The following FER1L6 variants were observed in gnomAD, a reference collection of about 807,000 sequenced individuals.
FER1L6 encodes fer-1-like protein 6.
A neutral mutation model predicts 219.2 loss-of-function variants in FER1L6; 177 were observed. That is an observed-to-expected ratio of 0.81 (90% CI 0.71 to 0.91). The LOEUF is 0.91. Among genes scored for constraint, FER1L6 ranks in the 40% least tolerant of loss-of-function variants. The probability of loss-of-function intolerance (pLI) is 0.00; values close to 1 mark genes in which losing one functional copy is unlikely to be tolerated. For missense variants in FER1L6, 2,153 were observed against 2,259.9 expected (o/e 0.95, Z 0.96); for synonymous variants, 768 against 824.3 (o/e 0.93, Z 1.17).
intron 12 of FER1L6, among the ~76,000 whole-genome samples, chr8:123,999,151 C>T (rs1411069974): frequency 6.6e-6 from 1 of 152,164 alleles, no homozygotes; most frequent in Non-Finnish European, 1.5e-5. Flanking sequence ...ATAGTTAACA[C>T]CGCTGGGAAT....
intron 25 of FER1L6, 27 bp from the exon 26 acceptor site, chr8:124,064,320 C>T (rs978186982): frequency 1.3e-6 from 2 of 1,596,946 alleles, no homozygotes; most frequent in Non-Finnish European, 1.7e-6. Context: ...CAGCCCAGCT[C>T]CCTGACCTGA....
intron 1 of FER1L6, among the ~76,000 whole-genome samples, chr8:123,865,902 C>A: frequency 6.6e-6 from 1 of 151,350 alleles, no homozygotes; most frequent in Non-Finnish European, 1.5e-5. Flanking sequence ...GTGAGATGAA[C>A]CCGGTACCTC....
intron 12 of FER1L6, among the ~76,000 whole-genome samples, chr8:123,996,979 G>T (rs1016327690): frequency 1.3e-5 from 2 of 152,006 alleles, no homozygotes; most frequent in Admixed American, 6.5e-5. Context: ...TAAAGTTGTT[G>T]TAGTTATTTG....
At chr8:124,026,424 T>C (rs1243031777) in intron 18 of FER1L6, among the ~76,000 whole-genome samples, 1 of 152,180 alleles carries the variant, frequency 6.6e-6, no homozygotes, top group African/African-American at 2.4e-5. Flanking sequence ...GAGATAGCAG[T>C]TCTTAGCTGA....
At chr8:124,115,738 C>T (rs184042149) in intron 39 of FER1L6, among the ~76,000 whole-genome samples, 16 of 152,234 alleles carry the variant, frequency 1.1e-4, no homozygotes, top group African/African-American at 2.4e-4. Flanking sequence ...TCAAAGCAAC[C>T]GTATAGGGTA....
At chr8:124,019,420 C>T (rs1316312787) in intron 16 of FER1L6, among the ~76,000 whole-genome samples, 1 of 152,164 alleles carries the variant, frequency 6.6e-6, no homozygotes, top group Non-Finnish European at 1.5e-5. Context: ...GTATTGTTTT[C>T]ACCTCACCAT....
At chr8:124,103,953 G>C (rs1822655391) in intron 39 of FER1L6, among the ~76,000 whole-genome samples, 2 of 152,202 alleles carry the variant, frequency 1.3e-5, no homozygotes, top group Non-Finnish European at 2.9e-5. Flanking sequence ...TCTGCTTCTA[G>C]TGCCTTGTGG....
Position 124,049,711 on chromosome 8 carries a change from G to C in FER1L6, c.2829G>C (p.Gly943=). Residue 943 remains glycine (G), a synonymous_variant, in exon 22 of 41, where the codon GGG becomes GGC. Coordinates refer to ENST00000522917, the MANE Select transcript of FER1L6 (RefSeq NM_001039112.2). ...TATGCTATCACCCCATCTTTTGTGG[G>C]AATCTCTCTGGAGGGGATCTCCTTG... ...PRLCYHPIFC[G]NLSGGDLLAV... The C allele has an allele frequency of 6.2e-7, 1 of 1,614,070 alleles. No homozygotes were observed. Among genetic ancestry groups the C allele is most frequent in the Non-Finnish European group, 8.5e-7 (1 of 1,180,000 alleles).
chr8:123,922,432 G>A (rs960659629), intron 1 of FER1L6, among the ~76,000 whole-genome samples: 1 of 152,212 alleles, frequency 6.6e-6, no homozygotes, highest in Non-Finnish European at 1.5e-5. Context: ...AAGCTGGTGT[G>A]CCATTCTTCC....
intron 30 of FER1L6, among the ~76,000 whole-genome samples, 159 bp from the exon 31 acceptor site, chr8:124,071,347 T>A (rs1349823240): frequency 6.6e-6 from 1 of 152,182 alleles, no homozygotes; most frequent in East Asian, 1.9e-4. Context: ...GCAAGCAGGC[T>A]ACATAAATTG....
rs781394982 is a variant in FER1L6, at chr8:124,045,917, G to A, written c.2724+16G>A. The stretch of plus-strand genomic sequence containing the variant: ...CGACGCTGTGGTGAGTGTCCCCCTG[G>A]GCCAGTGCTGACCACACCTCATAAA... On this transcript the variant is annotated intron_variant, in intron 21 of 40. Transcript: ENST00000522917. 3.7e-6 allele frequency: 6 copies of A among 1,612,924 alleles called. No homozygotes were observed. The highest frequency in any genetic ancestry group is 5.1e-6 in the Non-Finnish European group (6 of 1,179,838).
At chr8:123,989,122 T>C (rs1816735231) in intron 12 of FER1L6, among the ~76,000 whole-genome samples, 1 of 152,174 alleles carries the variant, frequency 6.6e-6, no homozygotes, top group South Asian at 2.1e-4. Flanking sequence ...ACGTGATGTA[T>C]CATATTGATT....
chr8:123,973,977 A>G (rs968452545), intron 7 of FER1L6, among the ~76,000 whole-genome samples: 7 of 152,268 alleles, frequency 4.6e-5, no homozygotes, highest in Non-Finnish European at 7.3e-5. Flanking sequence ...AATGCTTAGT[A>G]AAGAGTCTCA....
chr8:124,084,067 C>T (rs1821689417), intron 33 of FER1L6, among the ~76,000 whole-genome samples: 1 of 151,722 alleles, frequency 6.6e-6, no homozygotes, highest in African/African-American at 2.4e-5. Flanking sequence ...TCACATTGTT[C>T]ACTGTTGGCA....
In FER1L6 at chr8:123,973,472, C is replaced by T. The variant is rs765726991; in HGVS notation, c.486C>T (p.Gly162=). 1 of 1,614,078 alleles carries T rather than the reference C, an allele frequency of 6.2e-7. No individual in the cohort carries two copies. The highest frequency in any genetic ancestry group is 8.5e-7 in the Non-Finnish European group (1 of 1,179,954). The part of the protein sequence containing the change: ...HHKLIGSVLI[G]SFKVDLGTVY... ...AGCTGATAGGAAGTGTACTGATTGG[C>T]TCTTTCAAAGTAGACCTGGGGACCG... The change falls in exon 7 of 41, where the codon GGC becomes GGT. Residue 162 remains glycine, a synonymous_variant. Coordinates refer to ENST00000522917, the MANE Select transcript of FER1L6 (RefSeq NM_001039112.2).
At chr8:123,883,598 C>A (rs553690378) in intron 1 of FER1L6, among the ~76,000 whole-genome samples, 7 of 152,266 alleles carry the variant, frequency 4.6e-5, no homozygotes, top group African/African-American at 1.7e-4. Flanking sequence ...GCTGCTATAA[C>A]AAAATGCTAC....
intron 18 of FER1L6, among the ~76,000 whole-genome samples, chr8:124,024,053 T>C (rs974959584): frequency 4.6e-5 from 7 of 151,940 alleles, no homozygotes; most frequent in African/African-American, 1.7e-4. Flanking sequence ...CCCACCACCA[T>C]GCCTAGCTAA....
intron 10 of FER1L6, among the ~76,000 whole-genome samples, chr8:123,978,858 G>A (rs1434575339): frequency 6.6e-6 from 1 of 152,152 alleles, no homozygotes; most frequent in Non-Finnish European, 1.5e-5. Context: ...CATTATGGAA[G>A]TGTTTGCCAC....
At position 124,046,145 on chromosome 8, in the gene FER1L6, G is replaced by C. The variant is rs1819723411; in HGVS notation, c.2724+244G>C. 10 of 422,766 alleles carry C rather than the reference G, an allele frequency of 2.4e-5. No individual in the cohort carries two copies. In the East Asian group the frequency reaches 4.1e-4, roughly 17 times the overall value. The allele number at this position is 422,766 out of a possible 1,614,324, so 26.2% of individuals were successfully genotyped here. ...TTAAATGGCAATTAAAATTGGATCT[G>C]GTTTACAGAACGTCAGTCTACACAC... On this transcript the variant is annotated intron_variant, in intron 21 of 40. Transcript: ENST00000522917.
Sources: allele counts gnomAD v4.1 joint callset (sites outside exome capture counted in the v4.1 genomes callset), GRCh38; gene constraint gnomAD v4.1.1; transcripts MANE v1.5; gene names NCBI Gene and HGNC (gene_info 2026-07-23, HGNC 2026-07-21).